The following KCNH2 variants were observed in gnomAD, a reference collection of about 807,000 sequenced individuals.
KCNH2 encodes voltage-gated inwardly rectifying potassium channel KCNH2.
Under a neutral mutation model 95.9 loss-of-function variants are expected in KCNH2, and 35 were observed. The observed-to-expected ratio is 0.37, with a 90% CI of 0.28 to 0.48. KCNH2 has a LOEUF of 0.48. KCNH2 is among the 20% of genes least tolerant of loss of function. The pLI, the probability that KCNH2 is intolerant of heterozygous loss-of-function variation, is 0.99. For missense variants in KCNH2, 1,274 were observed against 1,702.9 expected (o/e 0.75, Z 4.43); for synonymous variants, 786 against 754.7 (o/e 1.04, Z -0.68).
rs768725008 is a variant in KCNH2 at position 150,948,991 on chromosome 7, G to A, written c.2457C>T (p.Asn819=). The A allele has an allele frequency of 3.3e-5, 54 of 1,614,046 alleles. No homozygotes were observed. The South Asian group carries it at 4.2e-4, about 12-fold the overall frequency. The change falls in exon 10 of 15, where the codon AAC becomes AAT. Residue 819 remains asparagine (N), a synonymous_variant. Transcript: ENST00000262186. ...LNLYARPGKS[N]GDVRALTYCD... Reference sequence around the variant, plus strand: ...AGTAGGTGAGGGCCCGCACATCCCCGTTCGACTTGCCAGGCCTTGCATACA... The same window carrying A: ...AGTAGGTGAGGGCCCGCACATCCCCATTCGACTTGCCAGGCCTTGCATACA...
In KCNH2 at chr7:150,945,862, A is replaced by G. The variant is rs575826256; in HGVS notation, c.3331-348T>C. On this transcript the variant is annotated intron_variant, in intron 14 of 14. Coordinates refer to ENST00000262186, the MANE Select transcript of KCNH2 (RefSeq NM_000238.4). This position sits in a 1 kb window ranked among gnomAD's most constrained non-coding sequence, Gnocchi z 5.6. Reference sequence around the variant, plus strand: ...TGGAACAAGCAGTCTCTGTGTTGGGACAGAAGCTGGGACAGAAAAAGAGAC... The same window carrying G: ...TGGAACAAGCAGTCTCTGTGTTGGGGCAGAAGCTGGGACAGAAAAAGAGAC... Among the ~76,000 whole-genome samples the G allele has an allele frequency of 6.6e-6, 1 of 152,278 alleles. No homozygotes were observed. The highest frequency in any genetic ancestry group is 2.1e-4 in the South Asian group (1 of 4,816).
At chr7:150,964,213 G>A (rs7789011) in intron 2 of KCNH2, among the ~76,000 whole-genome samples, 3,047 of 152,270 alleles carry the variant, frequency 0.02, 95 homozygotes, top group African/African-American at 0.068. Flanking sequence ...CAGAGTCTCC[G>A]TGCGCTCCTC....
At chr7:150,971,358 C>A (rs1054132972) in intron 2 of KCNH2, among the ~76,000 whole-genome samples, 1 of 152,150 alleles carries the variant, frequency 6.6e-6, no homozygotes, top group Non-Finnish European at 1.5e-5. Context: ...CAGGTCCCCA[C>A]CCCCTCCCAA....
At position 150,962,028 on chromosome 7, in the gene KCNH2, AGCTCTGGG is replaced by A. The variant is rs1160806891; in HGVS notation, c.308-2300_308-2293del. The stretch of plus-strand genomic sequence containing the variant: ...CTCACAGCCCCGCCCGAGGGCCCTG[AGCTCTGGG>A]GCTCTGTCTGGGTCTCCCTGCAGCA... On this transcript the variant is annotated intron_variant, in intron 2 of 14. Coordinates refer to ENST00000262186, the MANE Select transcript of KCNH2 (RefSeq NM_000238.4). The surrounding 1 kb of genome is among the most constrained non-coding windows in gnomAD (Gnocchi z 5.7). Among the ~76,000 whole-genome samples, 5 of 152,104 alleles carry A rather than the reference AGCTCTGGG, an allele frequency of 3.3e-5. No homozygotes were observed. The highest frequency in any genetic ancestry group is 1.2e-4 in the African/African-American group (5 of 41,432).
intron 2 of KCNH2, among the ~76,000 whole-genome samples, chr7:150,963,162 C>T (rs1190229475): frequency 2.0e-5 from 3 of 152,198 alleles, no homozygotes; most frequent in African/African-American, 7.2e-5. Context: ...GTGGCAGGCA[C>T]AGCCCACACT....
chr7:150,970,095 G>A (rs1414215655), intron 2 of KCNH2, among the ~76,000 whole-genome samples: 1 of 152,178 alleles, frequency 6.6e-6, no homozygotes, highest in Non-Finnish European at 1.5e-5. Context: ...CAATGAGAGA[G>A]AACGTGTTTT....
rs771674303 is a variant in KCNH2, at chr7:150,950,240, G to T, written c.2326C>A (p.Leu776Ile). The change falls in exon 9 of 15, where the codon CTC becomes ATC. Residue 776 changes from leucine (L) to isoleucine (I), a missense_variant. Transcript: ENST00000262186. The part of the protein sequence containing the change: ...GDTLVHAGDL[L>I]TALYFISRGS... ...CGGGAGATGAAGTACAGGGCGGTGA[G>T]CAGGTCCCCAGCATGCACCAGTGTG... 6.2e-7 allele frequency: 1 copy of T among 1,613,414 alleles called. No homozygotes were observed. The highest frequency in any genetic ancestry group is 8.5e-7 in the Non-Finnish European group (1 of 1,179,692).
intron 2 of KCNH2, among the ~76,000 whole-genome samples, chr7:150,960,544 G>C (rs1453729951): frequency 6.6e-6 from 1 of 152,134 alleles, no homozygotes; most frequent in Non-Finnish European, 1.5e-5. Flanking sequence ...CAGACGTTGA[G>C]AGCAAGAATT....
Position 150,948,663 on chromosome 7 carries a change from C to G in KCNH2, c.2593-120G>C, listed in dbSNP as rs41314357. On this transcript the variant is annotated intron_variant, in intron 10 of 14. Transcript: ENST00000262186. ...CTGGGCGCCCCAGCTCTGGGAAAACCCTTCCCTGCCCCCAATGTGATTTTG... is the reference window on the plus strand; with the variant it reads ...CTGGGCGCCCCAGCTCTGGGAAAACGCTTCCCTGCCCCCAATGTGATTTTG... The G allele has an allele frequency of 9.5e-4, 1,061 of 1,114,828 alleles. 7 individuals are homozygous for G. The African/African-American group carries it at 0.014, about 15-fold the overall frequency. The allele number at this position is 1,114,828 out of a possible 1,614,324, so 69.1% of individuals were successfully genotyped here. A position where few individuals can be genotyped will look rare whatever the true frequency, so the allele number is the denominator to read the frequency against.
chr7:150,964,836 A>T (rs898731456), intron 2 of KCNH2, among the ~76,000 whole-genome samples: 13 of 152,216 alleles, frequency 8.5e-5, no homozygotes, highest in Admixed American at 6.5e-5. Context: ...AGGGCTGTGC[A>T]GTGTCAGGTT....
At chr7:150,972,036 G>A (rs1298226851) in intron 2 of KCNH2, among the ~76,000 whole-genome samples, 3 of 152,066 alleles carry the variant, frequency 2.0e-5, no homozygotes, top group Non-Finnish European at 4.4e-5. Context: ...TGAATCCCGG[G>A]CCTGACTTCA....
In KCNH2 at chr7:150,957,407, G is replaced by C; in HGVS notation, c.1012C>G (p.Leu338Val). The C allele has an allele frequency of 6.2e-7, 1 of 1,614,158 alleles. No homozygotes were observed. The highest frequency in any genetic ancestry group is 8.5e-7 in the Non-Finnish European group (1 of 1,179,948). ...TCGCCCTTGAGGTCCACAAAGTTGA[G>C]GGTGATTTGGGGAATCTTGCTAATG... ...RTISKIPQIT[L>V]NFVDLKGDPF... Residue 338 changes from leucine to valine, a missense_variant, in exon 5 of 15, where the codon CTC becomes GTC. Coordinates refer to ENST00000262186, the MANE Select transcript of KCNH2 (RefSeq NM_000238.4).
At position 150,952,316 on chromosome 7, in the gene KCNH2, C is replaced by CTTTCTCTCTCTCTCTCTTTTTCTCTG. The variant is rs975406654; in HGVS notation, c.1557+108_1557+109insCAGAGAAAAAGAGAGAGAGAGAGAAA. 7 of 1,170,572 alleles carry CTTTCTCTCTCTCTCTCTTTTTCTCTG rather than the reference C, an allele frequency of 6.0e-6. No homozygotes were observed. The East Asian group carries it at 1.8e-4, about 30-fold the overall frequency. The allele number at this position is 1,170,572 out of a possible 1,614,324, so 72.5% of individuals were successfully genotyped here. On this transcript the variant is annotated intron_variant, in intron 6 of 14. Coordinates refer to ENST00000262186, the MANE Select transcript of KCNH2 (RefSeq NM_000238.4). The surrounding 1 kb of genome is among the most constrained non-coding windows in gnomAD (Gnocchi z 7.3). ...TCCCACTGTCTTTCTCTCTTTCTCT[C>CTTTCTCTCTCTCTCTCTTTTTCTCTG]TCTCTCTCTTTTTCTCTGTCCTCCT... is the stretch of plus-strand genomic sequence containing the variant.
chr7:150,946,632 T>G lies in KCNH2; in HGVS notation c.3330+245A>C, dbSNP rs1800901477. Among the ~76,000 whole-genome samples, 1 of 152,128 alleles carries G rather than the reference T, an allele frequency of 6.6e-6. No individual in the cohort carries two copies. Among genetic ancestry groups the G allele is most frequent in the Non-Finnish European group, 1.5e-5 (1 of 68,018 alleles). On this transcript the variant is annotated intron_variant, in intron 14 of 14. Coordinates refer to ENST00000262186, the MANE Select transcript of KCNH2 (RefSeq NM_000238.4). This position sits in a 1 kb window ranked among gnomAD's most constrained non-coding sequence, Gnocchi z 6.5. ...CTAGGGGAGTGAAGCTGCGGGCCAC[T>G]TAGCCTACAGGTTCCCTGCACCCAG... is the stretch of plus-strand genomic sequence containing the variant.
At position 150,950,156 on chromosome 7, in the gene KCNH2, C is replaced by G; in HGVS notation, c.2398+12G>C. ...GGCATTTCCAGTCCAGTGCCCGCCC[C>G]CCACCCCATACCCAGGATGGCCACG... On this transcript the variant is annotated intron_variant, in intron 9 of 14. Transcript: ENST00000262186. The G allele has an allele frequency of 1.3e-6, 1 of 760,494 alleles. No homozygotes were observed. Among genetic ancestry groups the G allele is most frequent in the Non-Finnish European group, 2.2e-6 (1 of 448,730 alleles). The allele number at this position is 760,494 out of a possible 1,614,324, so 47.1% of individuals were successfully genotyped here.
intron 2 of KCNH2, among the ~76,000 whole-genome samples, chr7:150,970,835 T>C (rs1200941392): frequency 1.3e-5 from 2 of 152,266 alleles, no homozygotes; most frequent in East Asian, 3.9e-4. Flanking sequence ...TTCTCCTGTG[T>C]CTAAGCCCCA....
intron 2 of KCNH2, among the ~76,000 whole-genome samples, chr7:150,966,860 T>C (rs1323580793): frequency 7.3e-6 from 1 of 137,466 alleles, no homozygotes; most frequent in Admixed American, 7.0e-5. Context: ...TCCAGGCTCT[T>C]GAGTGGGACA....
Position 150,947,642 on chromosome 7 carries a change from A to C in KCNH2, c.2929T>G (p.Cys977Gly). 6.2e-7 allele frequency: 1 copy of C among 1,612,216 alleles called. No homozygotes were observed. Among genetic ancestry groups the C allele is most frequent in the Non-Finnish European group, 8.5e-7 (1 of 1,179,346 alleles). Residue 977 changes from cysteine to glycine, a missense_variant, in exon 12 of 15, where the codon TGC becomes GGC. Around this residue, in one of 7 missense-constraint regions of KCNH2, gnomAD observed 457 missense variants for 416.1 expected, o/e 1.10. Coordinates refer to ENST00000262186, the MANE Select transcript of KCNH2 (RefSeq NM_000238.4). Reference protein sequence around the residue: ...PPGGEPLMEDCEKSSDTCNPL... With the variant: ...PPGGEPLMEDGEKSSDTCNPL... ...TTGCAAGTGTCGCTGCTCTTCTCGCAGTCCTCCATCAGGGGCTCCCCACCC... is the reference window on the plus strand; with the variant it reads ...TTGCAAGTGTCGCTGCTCTTCTCGCCGTCCTCCATCAGGGGCTCCCCACCC...
In KCNH2 at chr7:150,950,148, GCC is replaced by G; in HGVS notation, c.2398+18_2398+19del. 6.3e-7 allele frequency: 1 copy of G among 1,581,882 alleles called. No individual in the cohort carries two copies. Among genetic ancestry groups the G allele is most frequent in the Non-Finnish European group, 8.6e-7 (1 of 1,162,866 alleles). ...CTGCAGAGGGCATTTCCAGTCCAGT[GCC>G]CGCCCCCCACCCCATACCCAGGATG... On this transcript the variant is annotated intron_variant, in intron 9 of 14. Coordinates refer to ENST00000262186, the MANE Select transcript of KCNH2 (RefSeq NM_000238.4).
Sources: allele counts gnomAD v4.1 joint callset (sites outside exome capture counted in the v4.1 genomes callset), GRCh38; gene constraint gnomAD v4.1.1; regional missense constraint gnomAD v4.1.1; non-coding constraint Gnocchi (gnomAD v3.1); transcripts MANE v1.5; gene names NCBI Gene and HGNC (gene_info 2026-07-23, HGNC 2026-07-21).